The following RALGAPA1 variants were observed in gnomAD, a reference collection of about 807,000 sequenced individuals.
The protein encoded by RALGAPA1 is Ral GTPase activating protein catalytic subunit alpha 1, also known as ral GTPase-activating protein subunit alpha-1.
A neutral mutation model predicts 269.6 loss-of-function variants in RALGAPA1; 52 were observed. The ratio of observed to expected loss-of-function variants is 0.19; its 90% confidence interval spans 0.15 to 0.24. The LOEUF (loss-of-function observed/expected upper bound fraction) is 0.24, where lower values mean the gene tolerates loss of function less well. RALGAPA1 is among the 10% of genes least tolerant of loss of function. RALGAPA1 has a pLI of 1.00. For synonymous variants in RALGAPA1, 817 were observed against 1,008.3 expected, an observed-to-expected ratio of 0.81 and a Z score of 3.60; for missense variants, 1,917 against 3,013.9, an observed-to-expected ratio of 0.64 and a Z score of 8.52.
chr14:35,554,557 G>A (rs1278041232), intron 39 of RALGAPA1, among the ~76,000 whole-genome samples: 1 of 150,984 alleles, frequency 6.6e-6, no homozygotes, highest in East Asian at 1.9e-4. Flanking sequence ...CGTTTTAGCC[G>A]GGATGGTCTC....
chr14:35,564,380 T>C lies in RALGAPA1; in HGVS notation c.7496+6237A>G, dbSNP rs533903463. On this transcript the variant is annotated intron_variant, in intron 39 of 41. Coordinates refer to ENST00000680220, the MANE Select transcript of RALGAPA1 (RefSeq NM_001346249.2). ...ACTGACAGACCCCCCCAAAAGGTTTTATAATGTTTTATTATAACGAAAGGC... is the reference window on the plus strand; with the variant it reads ...ACTGACAGACCCCCCCAAAAGGTTTCATAATGTTTTATTATAACGAAAGGC... The C allele has an allele frequency of 2.0e-5, 3 of 152,354 alleles. No homozygotes were observed. The East Asian group carries it at 5.8e-4, about 29-fold the overall frequency. The allele number at this position is 152,354 out of a possible 1,614,324, so 9.4% of individuals were successfully genotyped here. A position where few individuals can be genotyped will look rare whatever the true frequency, so the allele number is the denominator to read the frequency against.
intron 4 of RALGAPA1, among the ~76,000 whole-genome samples, chr14:35,763,795 G>C (rs10145588): frequency 1.3e-5 from 2 of 148,554 alleles, no homozygotes; most frequent in East Asian, 3.9e-4. Flanking sequence ...TATATATATA[G>C]AGAGAGAGAG....
At chr14:35,604,718 C>G (rs533588456) in intron 36 of RALGAPA1, among the ~76,000 whole-genome samples, 1 of 152,162 alleles carries the variant, frequency 6.6e-6, no homozygotes, top group South Asian at 2.1e-4. Context: ...TTCCAGTGTA[C>G]TATATAATAA....
chr14:35,688,892 T>C lies in RALGAPA1; in HGVS notation c.3519A>G (p.Pro1173=), dbSNP rs879445241. 7.9e-7 allele frequency: 1 copy of C among 1,269,002 alleles called. No individual in the cohort carries two copies. Among genetic ancestry groups the C allele is most frequent in the Non-Finnish European group, 9.9e-7 (1 of 1,009,742 alleles). The allele number at this position is 1,269,002 out of a possible 1,614,324, so 78.6% of individuals were successfully genotyped here. Residue 1173 remains proline, a synonymous_variant, in exon 18 of 42, where the codon CCA becomes CCG. Coordinates refer to ENST00000680220, the MANE Select transcript of RALGAPA1 (RefSeq NM_001346249.2). ...CGAGCTTCCGCAGTCTCATCTTCCA[T>C]GGAGCCTCTTTGTTTTCCAGAGGAT... ...FYNPLENKEA[P]WKMRLRKLGG... is the part of the protein sequence containing the mutation.
intron 3 of RALGAPA1, 116 bp downstream of exon 3, chr14:35,774,890 G>C (rs1431954666): frequency 7.3e-6 from 5 of 688,900 alleles, no homozygotes; most frequent in Non-Finnish European, 1.3e-5. Flanking sequence ...TTAGTTCTTA[G>C]AAAGGCTGGC....
At position 35,674,192 on chromosome 14, in the gene RALGAPA1, A is replaced by G; in HGVS notation, c.4905T>C (p.Pro1635=). The change falls in exon 24 of 42, where the codon CCT becomes CCC. Residue 1635 remains proline, a synonymous_variant. Transcript: ENST00000680220. ...VLIPPLRILT[P]WLFKATMLTD... is the part of the protein sequence containing the mutation. The stretch of plus-strand genomic sequence containing the variant: ...ATATTAAGCTTACCTTAAAAAGCCA[A>G]GGTGTAAGAATTCTCAGTGGAGGAA... 2 of 1,608,672 alleles carry G rather than the reference A, an allele frequency of 1.2e-6. No individual in the cohort carries two copies. The highest frequency in any genetic ancestry group is 1.7e-6 in the Non-Finnish European group (2 of 1,177,116).
At chr14:35,541,867 T>C (rs1003631533) in intron 41 of RALGAPA1, 7 of 465,782 alleles carry the variant, frequency 1.5e-5, no homozygotes, top group African/African-American at 8.0e-5. Flanking sequence ...AGAAGATAGA[T>C]AACAGATATG....
intron 37 of RALGAPA1, among the ~76,000 whole-genome samples, chr14:35,577,091 T>A (rs951033771): frequency 3.3e-5 from 5 of 152,206 alleles, no homozygotes; most frequent in African/African-American, 1.2e-4. Context: ...TGGCTCCTAG[T>A]GATCACTACA....
At chr14:35,676,326 C>T (rs1179696137) in intron 22 of RALGAPA1, 1 of 152,210 alleles carries the variant, frequency 6.6e-6, no homozygotes, top group East Asian at 1.9e-4. Context: ...ATTTTCCTGC[C>T]TCAGCCTACC....
At chr14:35,621,443 A>G (rs1048314676) in intron 35 of RALGAPA1, among the ~76,000 whole-genome samples, 2 of 152,226 alleles carry the variant, frequency 1.3e-5, no homozygotes, top group African/African-American at 2.4e-5. Flanking sequence ...CATTCAGGAC[A>G]TAGGCATGCG....
chr14:35,696,315 G>A (rs1226337015), intron 17 of RALGAPA1, among the ~76,000 whole-genome samples: 15 of 152,168 alleles, frequency 9.9e-5, no homozygotes, highest in African/African-American at 3.6e-4. Context: ...ATGGGAGGCT[G>A]AGGCAGGGAA....
intron 8 of RALGAPA1, 132 bp downstream of exon 8, chr14:35,751,892 G>T: frequency 1.7e-6 from 2 of 1,203,030 alleles, no homozygotes; most frequent in Non-Finnish European, 2.1e-6. Context: ...ATGAATCTAG[G>T]TATCATATCT....
rs753671594 is a variant in RALGAPA1 at position 35,727,371 on chromosome 14, T to G, written c.1736+991A>C. Among the ~76,000 whole-genome samples the G allele has an allele frequency of 2.7e-5, 4 of 147,606 alleles. No individual in the cohort carries two copies. In the South Asian group the frequency reaches 6.4e-4, roughly 24 times the overall value. On this transcript the variant is annotated intron_variant, in intron 13 of 41. Transcript: ENST00000680220. ...TAGTATAATACTATATAACTGTGTG[T>G]GTGGTTTGATGAGCTAGATATTCAC... is the stretch of plus-strand genomic sequence containing the variant.
chr14:35,641,601 G>A (rs142469682), intron 31 of RALGAPA1, among the ~76,000 whole-genome samples: 9 of 152,168 alleles, frequency 5.9e-5, no homozygotes, highest in Non-Finnish European at 1.2e-4. Context: ...AAAAAGACAC[G>A]AAACAATGGA....
Position 35,659,167 on chromosome 14 carries a change from C to G in RALGAPA1, c.5358G>C (p.Ser1786=). The change falls in exon 28 of 42, where the codon TCG becomes TCC. Residue 1786 remains serine, a synonymous_variant. Transcript: ENST00000680220. The part of the protein sequence containing the change: ...KELIIKTVLS[S]ARDEPSGPAR... ...CAGGACCAGAGGGCTCATCTCTTGC[C>G]GAGCTTAATACAGTTTTGATTATAA... 1.2e-6 allele frequency: 2 copies of G among 1,611,060 alleles called. No homozygotes were observed. The highest frequency in any genetic ancestry group is 1.3e-5 in the African/African-American group (1 of 74,916).
intron 36 of RALGAPA1, among the ~76,000 whole-genome samples, chr14:35,601,619 G>A (rs2059293665): frequency 6.6e-6 from 1 of 152,036 alleles, no homozygotes; most frequent in South Asian, 2.1e-4. Flanking sequence ...GTGTTTCTAG[G>A]TTGCTGACTT....
At chr14:35,720,753 C>A (rs573906049) in intron 16 of RALGAPA1, among the ~76,000 whole-genome samples, 3 of 152,184 alleles carry the variant, frequency 2.0e-5, no homozygotes, top group African/African-American at 7.2e-5. Flanking sequence ...ATAGCAAGAC[C>A]CTGTCTCTAT....
chr14:35,564,215 C>T (rs1424349920), intron 39 of RALGAPA1, among the ~76,000 whole-genome samples: 1 of 152,076 alleles, frequency 6.6e-6, no homozygotes, highest in Admixed American at 6.6e-5. Context: ...CTATTATCCT[C>T]TTTTTACACA....
chr14:35,562,617 T>C (rs978073852), intron 39 of RALGAPA1, among the ~76,000 whole-genome samples: 6 of 152,204 alleles, frequency 3.9e-5, no homozygotes, highest in African/African-American at 1.4e-4. Flanking sequence ...TCACTGATCC[T>C]AGGTTTCCTC....
Sources: gnomAD v4.1 joint callset for allele counts (sites outside exome capture counted in the v4.1 genomes callset) on GRCh38, gnomAD v4.1.1 for gene constraint, MANE v1.5 for transcripts, NCBI Gene and HGNC (gene_info 2026-07-23, HGNC 2026-07-21) for gene names.